The following CNTNAP2 variants were observed in gnomAD, a reference collection of about 807,000 sequenced individuals.
CNTNAP2 encodes contactin associated protein 2.
Under a neutral mutation model 155.2 loss-of-function variants are expected in CNTNAP2, and 98 were observed. That is an observed-to-expected ratio of 0.63 (90% confidence interval 0.54 to 0.75). The LOEUF is 0.75. Ranked by LOEUF, CNTNAP2 falls within the 30% of genes least tolerant of loss-of-function variation. The pLI is 0.00. For synonymous variants in CNTNAP2, 651 were observed against 631.2 expected, an observed-to-expected ratio of 1.03 and a Z score of -0.47; for missense variants, 1,727 against 1,688.1, an observed-to-expected ratio of 1.02 and a Z score of -0.40.
chr7:146,529,957 C>A (rs801944), intron 1 of CNTNAP2, among the ~76,000 whole-genome samples: 4,317 of 140,234 alleles, frequency 0.031, 205 homozygotes, highest in African/African-American at 0.12. Context: ...GAATGAGACT[C>A]CGTCTCAAAA....
At chr7:147,917,659 T>A (rs2116774224) in intron 14 of CNTNAP2, among the ~76,000 whole-genome samples, 1 of 152,352 alleles carries the variant, frequency 6.6e-6, no homozygotes, top group East Asian at 1.9e-4. Flanking sequence ...TAACTGGGCA[T>A]GAATATGCCT....
chr7:148,248,931 A>C (rs959850938), intron 20 of CNTNAP2, among the ~76,000 whole-genome samples: 1 of 152,092 alleles, frequency 6.6e-6, no homozygotes, highest in Non-Finnish European at 1.5e-5. Flanking sequence ...GTAGTATCTC[A>C]TTTTGGGTTT....
chr7:147,149,033 G>T (rs2129288976), intron 8 of CNTNAP2, among the ~76,000 whole-genome samples: 1 of 152,318 alleles, frequency 6.6e-6, no homozygotes, highest in East Asian at 1.9e-4. Flanking sequence ...CGAGCAAGTT[G>T]CCGCTGCTGG....
At chr7:147,664,079 A>T (rs1413488772) in intron 13 of CNTNAP2, among the ~76,000 whole-genome samples, 1 of 152,202 alleles carries the variant, frequency 6.6e-6, no homozygotes, top group Non-Finnish European at 1.5e-5. Context: ...CAACTAGTGC[A>T]TTATTTTGTT....
chr7:146,516,235 GA>G lies in CNTNAP2; in HGVS notation c.98-258030del, dbSNP rs915136141. The stretch of plus-strand genomic sequence containing the variant: ...ATGGTCAATATGGTCAGTAATGGGG[GA>G]AAAAAGCACATGGTGCCAGATTGAG... On this transcript the variant is annotated intron_variant, in intron 1 of 23. Transcript: ENST00000361727. 4.1e-4 allele frequency among the ~76,000 whole-genome samples: 62 copies of G among 151,888 alleles called. 1 individual carries two copies. Among genetic ancestry groups the G allele is most frequent in the African/African-American group, 1.4e-3 (59 of 41,390 alleles).
chr7:146,170,351 C>G (rs1354481761), intron 1 of CNTNAP2, among the ~76,000 whole-genome samples: 1 of 152,176 alleles, frequency 6.6e-6, no homozygotes, highest in South Asian at 2.1e-4. Flanking sequence ...TCTGATGAAA[C>G]TTTGCAGTGT....
rs542929872 is a variant in CNTNAP2, at chr7:146,239,903, T to C, written c.97+122930T>C. On this transcript the variant is annotated intron_variant, in intron 1 of 23. Transcript: ENST00000361727. ...CTTTCTTGTAAGTTATCTGAATTGG[T>C]TTAATGGAAATAAAATTTTAAAAAC... 1.8e-4 allele frequency among the ~76,000 whole-genome samples: 28 copies of C among 152,288 alleles called. No individual in the cohort carries two copies. In the South Asian group the frequency reaches 2.9e-3, roughly 16 times the overall value.
At chr7:146,532,111 TC>T (rs1157960173) in intron 1 of CNTNAP2, among the ~76,000 whole-genome samples, 1 of 151,986 alleles carries the variant, frequency 6.6e-6, no homozygotes, top group African/African-American at 2.4e-5. Context: ...TATTTACAAT[TC>T]AAAAAAGTGA....
At chr7:148,100,843 C>T (rs893202628) in intron 15 of CNTNAP2, among the ~76,000 whole-genome samples, 10 of 151,952 alleles carry the variant, frequency 6.6e-5, no homozygotes, top group Admixed American at 1.3e-4. Context: ...ATGTTTATAG[C>T]GGCACTATTC....
chr7:146,752,906 A>T (rs1158305554), intron 1 of CNTNAP2, among the ~76,000 whole-genome samples: 1 of 152,200 alleles, frequency 6.6e-6, no homozygotes, highest in African/African-American at 2.4e-5. Flanking sequence ...CATAAATCTC[A>T]AGTAAATCTG....
At chr7:148,164,611 CTTTTTTT>C (rs1175888434) in intron 17 of CNTNAP2, among the ~76,000 whole-genome samples, 1 of 93,488 alleles carries the variant, frequency 1.1e-5, no homozygotes, top group Non-Finnish European at 1.9e-5. Flanking sequence ...TTTTCTCTCT[CTTTTTTT>C]TTTTTTTTTT....
intron 15 of CNTNAP2, among the ~76,000 whole-genome samples, chr7:148,036,214 A>G (rs1802570715): frequency 6.6e-6 from 1 of 152,184 alleles, no homozygotes; most frequent in Non-Finnish European, 1.5e-5. Flanking sequence ...AAGAGTTTAG[A>G]GTCTATTGAG....
At chr7:147,214,703 T>C (rs919945584) in intron 8 of CNTNAP2, among the ~76,000 whole-genome samples, 2 of 152,114 alleles carry the variant, frequency 1.3e-5, no homozygotes, top group African/African-American at 4.8e-5. Context: ...TCAAAGCAAA[T>C]TTGAAAGGAA....
chr7:147,174,225 T>G (rs528192326), intron 8 of CNTNAP2, among the ~76,000 whole-genome samples: 3 of 152,242 alleles, frequency 2.0e-5, no homozygotes, highest in Admixed American at 6.5e-5. Context: ...ACTTGTCACC[T>G]CCCTCCCAAA....
chr7:147,198,672 G>A (rs1802858904), intron 8 of CNTNAP2, among the ~76,000 whole-genome samples: 1 of 152,162 alleles, frequency 6.6e-6, no homozygotes, highest in South Asian at 2.1e-4. Context: ...AGCTTACTCA[G>A]ATGCCTCCTA....
At chr7:147,720,659 T>C (rs1372205493) in intron 13 of CNTNAP2, among the ~76,000 whole-genome samples, 1 of 152,006 alleles carries the variant, frequency 6.6e-6, no homozygotes, top group East Asian at 1.9e-4. Context: ...TCTCAGGAGA[T>C]CCGATGGTTT....
At chr7:147,408,222 C>T (rs972061079) in intron 10 of CNTNAP2, among the ~76,000 whole-genome samples, 1 of 152,132 alleles carries the variant, frequency 6.6e-6, no homozygotes. Flanking sequence ...ACACAAACGC[C>T]AAAATCAAAG....
intron 1 of CNTNAP2, among the ~76,000 whole-genome samples, chr7:146,188,422 A>T (rs1428798607): frequency 6.6e-6 from 1 of 152,204 alleles, no homozygotes; most frequent in East Asian, 1.9e-4. Flanking sequence ...GATAAAAGGC[A>T]GTTGCACGCC....
intron 9 of CNTNAP2, among the ~76,000 whole-genome samples, chr7:147,311,839 A>G (rs1346562829): frequency 1.3e-5 from 2 of 152,138 alleles, no homozygotes; most frequent in Non-Finnish European, 2.9e-5. Context: ...ATATTCTTAT[A>G]TGTACAGAAA....
Sources: gnomAD v4.1 joint callset for allele counts (sites outside exome capture counted in the v4.1 genomes callset) on GRCh38, gnomAD v4.1.1 for gene constraint, MANE v1.5 for transcripts, NCBI Gene and HGNC (gene_info 2026-07-23, HGNC 2026-07-21) for gene names.